Variants in CEP63 observed in about 807,000 individuals in gnomAD.
CEP63 encodes centrosomal protein of 63 kDa.
Under a neutral mutation model 89.1 loss-of-function variants are expected in CEP63, and 84 were observed. The ratio of observed to expected loss-of-function variants is 0.94; its 90% CI spans 0.79 to 1.13. CEP63 has a LOEUF of 1.13. CEP63 is among the 50% of genes most tolerant of loss of function. CEP63 has a pLI of 0.00. For synonymous variants in CEP63, 267 were observed against 272.5 expected (o/e 0.98, Z 0.20); for missense variants, 838 against 813.3 (o/e 1.03, Z -0.37).
At chr3:134,738,672 C>T in the CEP63 span, among the ~76,000 whole-genome samples, 1 of 152,118 alleles carries the variant, frequency 6.6e-6, no homozygotes, top group African/African-American at 2.4e-5. Context: ...GCAGTGTACA[C>T]TGCTCAGGTG....
At chr3:134,508,358 A>C (rs914238243) in intron 3 of CEP63, among the ~76,000 whole-genome samples, 47 of 152,334 alleles carry the variant, frequency 3.1e-4, no homozygotes, top group Non-Finnish European at 2.4e-4. Flanking sequence ...TTTTAAAATT[A>C]CACACCATGC....
the CEP63 span, among the ~76,000 whole-genome samples, chr3:134,637,694 C>T: frequency 6.6e-6 from 1 of 152,220 alleles, no homozygotes; most frequent in East Asian, 1.9e-4. Flanking sequence ...TTTATCGCTT[C>T]AGGCAGCCAC....
At chr3:134,636,604 A>G in the CEP63 span, among the ~76,000 whole-genome samples, 1 of 152,214 alleles carries the variant, frequency 6.6e-6, no homozygotes, top group Non-Finnish European at 1.5e-5. Context: ...GCTGACAACA[A>G]GCACATGAGC....
At chr3:134,740,231 T>C in the CEP63 span, among the ~76,000 whole-genome samples, 1 of 152,148 alleles carries the variant, frequency 6.6e-6, no homozygotes, top group Admixed American at 6.5e-5. Flanking sequence ...CATTGCATTT[T>C]GGGAAGTGGG....
chr3:134,762,779 G>A, the CEP63 span, among the ~76,000 whole-genome samples: 2 of 152,186 alleles, frequency 1.3e-5, no homozygotes, highest in Admixed American at 6.5e-5. Context: ...CCCACTTTGT[G>A]GCACTTCGTT....
At chr3:134,517,084 A>G (rs906144179) in intron 3 of CEP63, among the ~76,000 whole-genome samples, 2 of 152,194 alleles carry the variant, frequency 1.3e-5, no homozygotes, top group Non-Finnish European at 2.9e-5. Flanking sequence ...AGTGGAATTC[A>G]TCACCAGCTG....
intron 2 of CEP63, among the ~76,000 whole-genome samples, chr3:134,498,996 GTCT>G (rs1941087329): frequency 6.6e-6 from 1 of 152,090 alleles, no homozygotes; most frequent in Middle Eastern, 3.2e-3. Flanking sequence ...GCATGTAGTT[GTCT>G]TCTTTTGTTG....
chr3:134,546,451 G>A (rs111445863), intron 8 of CEP63, among the ~76,000 whole-genome samples, 163 bp downstream of exon 8: 6 of 151,962 alleles, frequency 3.9e-5, no homozygotes, highest in African/African-American at 9.7e-5. Flanking sequence ...CTCAACCTCC[G>A]AGGTTCAAGC....
At chr3:134,545,902 A>G (rs1337023632) in intron 7 of CEP63, 83 bp downstream of exon 7, 3 of 1,038,694 alleles carry the variant, frequency 2.9e-6, no homozygotes, top group Non-Finnish European at 4.3e-6. Context: ...ACTAGGTTCT[A>G]CAATCCATAC....
chr3:134,772,711 C>T, the CEP63 span, among the ~76,000 whole-genome samples: 1 of 152,170 alleles, frequency 6.6e-6, no homozygotes, highest in African/African-American at 2.4e-5. Context: ...CCTCCCCACA[C>T]ATTCCCAGTG....
At chr3:134,609,565 T>C in the CEP63 span, among the ~76,000 whole-genome samples, 3 of 152,130 alleles carry the variant, frequency 2.0e-5, no homozygotes, top group Admixed American at 6.5e-5. Context: ...GCTGATAACA[T>C]CATGATCCAT....
the CEP63 span, chr3:134,650,912 T>G: frequency 5.0e-5 from 81 of 1,613,206 alleles, no homozygotes; most frequent in Non-Finnish European, 6.8e-5. Flanking sequence ...GAGTGCACGA[T>G]CAGCAGCATG....
At chr3:134,593,540 C>T in the CEP63 span, among the ~76,000 whole-genome samples, 3 of 152,150 alleles carry the variant, frequency 2.0e-5, no homozygotes, top group African/African-American at 7.2e-5. Context: ...CTCCTACCTG[C>T]TGTCAAACAG....
At chr3:134,557,372 A>ATTTTTTTTTTTTTTTTTTTTTT (rs1488699483) in intron 12 of CEP63, among the ~76,000 whole-genome samples, 1 of 50,432 alleles carries the variant, frequency 2.0e-5, no homozygotes, top group African/African-American at 9.2e-5. Flanking sequence ...TACTTTCATA[A>ATTTTTTTTTTTTTTTTTTTTTT]TTTGTTTTTT....
the CEP63 span, among the ~76,000 whole-genome samples, chr3:134,656,444 A>G: frequency 6.6e-6 from 1 of 152,232 alleles, no homozygotes; most frequent in African/African-American, 2.4e-5. Context: ...TCAGCTGCCC[A>G]TCTGAGTGGC....
At chr3:134,671,347 G>A in the CEP63 span, among the ~76,000 whole-genome samples, 1 of 152,220 alleles carries the variant, frequency 6.6e-6, no homozygotes, top group African/African-American at 2.4e-5. Context: ...GGGCAGGGTG[G>A]AAGCGGGCTG....
chr3:134,608,259 G>A, the CEP63 span: 57 of 1,197,346 alleles, frequency 4.8e-5, no homozygotes, highest in African/African-American at 7.9e-5. Flanking sequence ...CCAGGGTGAC[G>A]TAGTCCTTTT....
At chr3:134,579,091 C>T (rs112574465), downstream of CEP63, among the ~76,000 whole-genome samples, 2,464 of 152,320 alleles carry the variant, frequency 0.016, 56 homozygotes, top group African/African-American at 0.055. Flanking sequence ...CAACTGCTAT[C>T]CTGGTGATGG....
At chr3:134,744,488 T>C in the CEP63 span, among the ~76,000 whole-genome samples, 1 of 152,138 alleles carries the variant, frequency 6.6e-6, no homozygotes, top group Admixed American at 6.5e-5. Flanking sequence ...CCCAAGCAAC[T>C]CTGTAGGCTC....
Sources: allele counts gnomAD v4.1 joint callset (sites outside exome capture counted in the v4.1 genomes callset), GRCh38; gene constraint gnomAD v4.1.1; transcripts MANE v1.5; gene names NCBI Gene and HGNC (gene_info 2026-07-23, HGNC 2026-07-21).